The following RALYL variants were observed in gnomAD, a reference collection of about 807,000 sequenced individuals.
RALYL encodes RNA-binding Raly-like protein.
Under a neutral mutation model 35.1 loss-of-function variants are expected in RALYL, and 29 were observed. That is an observed-to-expected ratio of 0.83 (90% CI 0.61 to 1.13). The LOEUF is 1.13. RALYL is among the 50% of genes most tolerant of loss of function. RALYL has a pLI of 0.00. For missense variants in RALYL, 359 were observed against 360.4 expected, an observed-to-expected ratio of 1.00 and a Z score of 0.03; for synonymous variants, 120 against 127.6, an observed-to-expected ratio of 0.94 and a Z score of 0.40.
At chr8:84,775,841 T>C (rs1816717446) in intron 3 of RALYL, among the ~76,000 whole-genome samples, 1 of 152,254 alleles carries the variant, frequency 6.6e-6, no homozygotes, top group Non-Finnish European at 1.5e-5. Flanking sequence ...TGTTAAACCA[T>C]ATGTCCCACT....
At chr8:84,278,539 T>C (rs1261779997) in intron 1 of RALYL, among the ~76,000 whole-genome samples, 2 of 152,236 alleles carry the variant, frequency 1.3e-5, no homozygotes, top group African/African-American at 2.4e-5. Flanking sequence ...TCTATTGCAT[T>C]GTCAGGTGCC....
At chr8:84,567,662 A>G (rs2135713503) in intron 2 of RALYL, among the ~76,000 whole-genome samples, 1 of 151,510 alleles carries the variant, frequency 6.6e-6, no homozygotes, top group East Asian at 1.9e-4. Context: ...TGTGATAAAT[A>G]TACGAGTGAA....
intron 4 of RALYL, among the ~76,000 whole-genome samples, chr8:84,816,513 G>T (rs1237982290): frequency 6.6e-6 from 1 of 151,996 alleles, no homozygotes; most frequent in Non-Finnish European, 1.5e-5. Flanking sequence ...TTCAGATTTT[G>T]TTCACTGTAT....
chr8:84,194,966 T>C (rs1814857211), intron 1 of RALYL, among the ~76,000 whole-genome samples: 2 of 152,024 alleles, frequency 1.3e-5, no homozygotes, highest in Non-Finnish European at 2.9e-5. Context: ...AAGGAGATAC[T>C]TTGATTGGTA....
intron 1 of RALYL, among the ~76,000 whole-genome samples, chr8:84,463,869 A>C (rs906788025): frequency 2.0e-5 from 3 of 151,962 alleles, no homozygotes; most frequent in Non-Finnish European, 2.9e-5. Flanking sequence ...GAACAATGCC[A>C]TCACCCCATA....
At chr8:84,358,954 T>A (rs1036595601) in intron 1 of RALYL, among the ~76,000 whole-genome samples, 1 of 151,956 alleles carries the variant, frequency 6.6e-6, no homozygotes, top group African/African-American at 2.4e-5. Flanking sequence ...ACGCATTAGG[T>A]GATGAAGAAC....
At chr8:84,877,562 C>T (rs1283426404) in intron 7 of RALYL, among the ~76,000 whole-genome samples, 2 of 152,056 alleles carry the variant, frequency 1.3e-5, no homozygotes, top group African/African-American at 4.8e-5. Context: ...ATAGTATTCT[C>T]ACCCCTCCAA....
chr8:84,190,847 C>T (rs370922959), intron 1 of RALYL, among the ~76,000 whole-genome samples: 1 of 150,356 alleles, frequency 6.7e-6, no homozygotes, highest in Admixed American at 6.6e-5. Flanking sequence ...AAGTCCTGCA[C>T]AGGTAGAAAT....
chr8:84,412,538 G>C (rs1160023018), intron 1 of RALYL, among the ~76,000 whole-genome samples: 1 of 151,274 alleles, frequency 6.6e-6, no homozygotes, highest in Admixed American at 6.6e-5. Context: ...GAATCCCAAA[G>C]GCATTCACAT....
At chr8:84,543,371 C>T (rs1055028314) in intron 2 of RALYL, among the ~76,000 whole-genome samples, 1 of 151,110 alleles carries the variant, frequency 6.6e-6, no homozygotes, top group Admixed American at 6.6e-5. Flanking sequence ...TTACTATTTC[C>T]CCTTTATAGT....
intron 2 of RALYL, among the ~76,000 whole-genome samples, chr8:84,656,195 G>C (rs1405845492): frequency 1.3e-5 from 2 of 152,042 alleles, no homozygotes; most frequent in African/African-American, 2.4e-5. Flanking sequence ...CCTGATTGAG[G>C]GCACAGCTCA....
chr8:84,285,054 A>G (rs1161529202), intron 1 of RALYL, among the ~76,000 whole-genome samples: 1 of 152,140 alleles, frequency 6.6e-6, no homozygotes, highest in Non-Finnish European at 1.5e-5. Flanking sequence ...AGAGGAGAGA[A>G]TTATGATTGT....
intron 4 of RALYL, among the ~76,000 whole-genome samples, chr8:84,823,074 A>G (rs1019710158): frequency 2.0e-5 from 3 of 152,172 alleles, no homozygotes; most frequent in African/African-American, 7.2e-5. Context: ...AAGTAGGAGT[A>G]AGCATTTTAA....
chr8:84,427,479 C>T (rs1226622407), intron 1 of RALYL, among the ~76,000 whole-genome samples: 1 of 152,176 alleles, frequency 6.6e-6, no homozygotes, highest in African/African-American at 2.4e-5. Context: ...ATTGCTATTG[C>T]TCCACAAGTT....
At chr8:84,356,823 A>C (rs370972909) in intron 1 of RALYL, among the ~76,000 whole-genome samples, 2 of 145,022 alleles carry the variant, frequency 1.4e-5, no homozygotes, top group South Asian at 2.1e-4. Context: ...ACACAGTAAA[A>C]TAAAAGAATA....
intron 2 of RALYL, among the ~76,000 whole-genome samples, chr8:84,603,482 A>C (rs1341783865): frequency 6.6e-6 from 1 of 152,222 alleles, no homozygotes; most frequent in African/African-American, 2.4e-5. Context: ...TTGAGAAAAT[A>C]TTAAAAGAGT....
At chr8:84,634,875 T>C (rs1029870231) in intron 2 of RALYL, among the ~76,000 whole-genome samples, 3 of 151,736 alleles carry the variant, frequency 2.0e-5, no homozygotes, top group Non-Finnish European at 4.4e-5. Flanking sequence ...GATAAACTGC[T>C]ATGTTCCTTT....
At chr8:84,527,853 G>T (rs536171566) in intron 1 of RALYL, among the ~76,000 whole-genome samples, 3 of 152,016 alleles carry the variant, frequency 2.0e-5, no homozygotes, top group Middle Eastern at 3.2e-3. Context: ...TGAATGTATT[G>T]TTTATTAAAC....
chr8:84,195,590 T>A (rs1815083798), intron 1 of RALYL, among the ~76,000 whole-genome samples: 1 of 152,196 alleles, frequency 6.6e-6, no homozygotes, highest in Admixed American at 6.5e-5. Flanking sequence ...TTGCTTGTAG[T>A]TCTTTGGGTT....
Sources: allele counts gnomAD v4.1 joint callset (sites outside exome capture counted in the v4.1 genomes callset), GRCh38; gene constraint gnomAD v4.1.1; transcripts MANE v1.5; gene names NCBI Gene and HGNC (gene_info 2026-07-23, HGNC 2026-07-21).